Variants in NTM observed in about 807,000 individuals in gnomAD.
NTM encodes IgLON family member 2.
A neutral mutation model predicts 42.1 loss-of-function variants in NTM; 13 were observed. The ratio of observed to expected loss-of-function variants is 0.31; its 90% CI spans 0.20 to 0.49. The LOEUF (loss-of-function observed/expected upper bound fraction) is 0.49, where lower values mean the gene tolerates loss of function less well. Ranked by LOEUF, NTM falls within the 20% of genes least tolerant of loss-of-function variation. The probability of loss-of-function intolerance (pLI) is 0.99; values close to 1 mark genes in which losing one functional copy is unlikely to be tolerated. For synonymous variants in NTM, 187 were observed against 179.2 expected (o/e 1.04, Z -0.35); for missense variants, 373 against 452.8 (o/e 0.82, Z 1.60).
chr11:131,579,294 A>C (rs1011071187), intron 1 of NTM, among the ~76,000 whole-genome samples: 20 of 151,708 alleles, frequency 1.3e-4, no homozygotes, highest in African/African-American at 4.6e-4. Flanking sequence ...ACAAAGCAAA[A>C]CAAAAACAGA....
intron 4 of NTM, among the ~76,000 whole-genome samples, chr11:132,294,862 A>G (rs2094559167): frequency 6.6e-6 from 1 of 152,150 alleles, no homozygotes; most frequent in Admixed American, 6.5e-5. Context: ...AATTCAACCT[A>G]ATTGATGATG....
chr11:131,373,446 A>G (rs1204763406), intron 1 of NTM, among the ~76,000 whole-genome samples: 1 of 152,006 alleles, frequency 6.6e-6, no homozygotes, highest in Non-Finnish European at 1.5e-5. Flanking sequence ...TCCTCCCCAC[A>G]ACCCAACCAG....
intron 1 of NTM, among the ~76,000 whole-genome samples, chr11:131,755,305 C>T (rs1441744031): frequency 6.6e-6 from 1 of 152,096 alleles, no homozygotes; most frequent in Admixed American, 6.6e-5. Flanking sequence ...TCACTCTTGG[C>T]CTAGCAGGAA....
At chr11:132,005,918 G>A (rs1292971949) in intron 2 of NTM, among the ~76,000 whole-genome samples, 1 of 152,082 alleles carries the variant, frequency 6.6e-6, no homozygotes, top group Non-Finnish European at 1.5e-5. Flanking sequence ...CAATAACCTA[G>A]GTTTTGAAGA....
At chr11:131,456,175 G>A (rs1244013178) in intron 1 of NTM, among the ~76,000 whole-genome samples, 2 of 152,226 alleles carry the variant, frequency 1.3e-5, no homozygotes, top group East Asian at 1.9e-4. Flanking sequence ...GCTCTGACTG[G>A]TGAGTGACAA....
intron 2 of NTM, among the ~76,000 whole-genome samples, chr11:132,033,108 G>A (rs918838840): frequency 6.6e-6 from 1 of 152,168 alleles, no homozygotes; most frequent in Non-Finnish European, 1.5e-5. Flanking sequence ...CCATGCAAAA[G>A]CTTTTTCTTT....
chr11:131,901,052 G>T (rs2053087923), intron 1 of NTM, among the ~76,000 whole-genome samples: 1 of 152,170 alleles, frequency 6.6e-6, no homozygotes, highest in East Asian at 1.9e-4. Context: ...GGTTGTAAAA[G>T]AATAATCAGT....
intron 4 of NTM, among the ~76,000 whole-genome samples, chr11:132,293,303 CACCA>C (rs1366507264): frequency 3.9e-5 from 6 of 152,128 alleles, no homozygotes; most frequent in Non-Finnish European, 7.4e-5. Context: ...AAAACAAAGA[CACCA>C]ACCAACAAAA....
chr11:132,267,838 T>C (rs1197807403), intron 4 of NTM, among the ~76,000 whole-genome samples: 1 of 129,582 alleles, frequency 7.7e-6, no homozygotes, highest in Non-Finnish European at 1.6e-5. Flanking sequence ...CAAGACTCCA[T>C]CTCAAAAAAA....
intron 1 of NTM, among the ~76,000 whole-genome samples, chr11:131,593,525 C>T (rs2059565333): frequency 6.6e-6 from 1 of 152,200 alleles, no homozygotes; most frequent in Non-Finnish European, 1.5e-5. Context: ...TGCCCCGCCC[C>T]CCTGCCATAG....
At chr11:132,108,941 G>C (rs1035943998) in intron 2 of NTM, among the ~76,000 whole-genome samples, 1 of 152,132 alleles carries the variant, frequency 6.6e-6, no homozygotes, top group African/African-American at 2.4e-5. Flanking sequence ...ACTTATGAGT[G>C]AGAACATGCA....
At position 131,774,883 on chromosome 11, in the gene NTM, T is replaced by C. The variant is rs547212715; in HGVS notation, c.83-136681T>C. Among the ~76,000 whole-genome samples, 71 of 152,328 alleles carry C rather than the reference T, an allele frequency of 4.7e-4. 3 individuals carry two copies. In the Middle Eastern group the frequency reaches 0.01, roughly 22 times the overall value. On this transcript the variant is annotated intron_variant, in intron 1 of 8. Transcript: ENST00000683400. ...TCAGGCTGCTGGAGAAATTCTGTAA[T>C]GTCTCATGAGAAACAGAGTGCACAA...
At chr11:131,582,479 T>A (rs1298844952) in intron 1 of NTM, 1 of 152,214 alleles carries the variant, frequency 6.6e-6, no homozygotes, top group Non-Finnish European at 1.5e-5. Flanking sequence ...AGTTAAACTA[T>A]GCTTTGGAGT....
At chr11:131,827,425 T>C (rs1436479942) in intron 1 of NTM, among the ~76,000 whole-genome samples, 1 of 152,180 alleles carries the variant, frequency 6.6e-6, no homozygotes, top group African/African-American at 2.4e-5. Flanking sequence ...AAGGAGTGGC[T>C]GACTGTTATG....
chr11:132,059,088 T>G lies in NTM; in HGVS notation c.168-87194T>G, dbSNP rs2080192246. Among the ~76,000 whole-genome samples, 3 of 152,232 alleles carry G rather than the reference T, an allele frequency of 2.0e-5. No homozygotes were observed. The South Asian group carries it at 6.2e-4, about 32-fold the overall frequency. ...AGACAGAAAAGAAACCCCACTCTGG[T>G]GCTTTCTCCCTTCTTCCATTCCTGC... On this transcript the variant is annotated intron_variant, in intron 2 of 8. Coordinates refer to ENST00000683400, the MANE Select transcript of NTM (RefSeq NM_001352005.2).
chr11:131,574,567 T>C (rs1170221219), intron 1 of NTM, among the ~76,000 whole-genome samples: 1 of 147,174 alleles, frequency 6.8e-6, no homozygotes, highest in Admixed American at 6.8e-5. Flanking sequence ...CTTGAGTGTG[T>C]GTGTGTGTGT....
intron 4 of NTM, among the ~76,000 whole-genome samples, chr11:132,229,841 G>T (rs1263503106): frequency 6.6e-6 from 1 of 152,168 alleles, no homozygotes; most frequent in African/African-American, 2.4e-5. Flanking sequence ...GGCAAGTCTT[G>T]GCATGTTCAC....
chr11:131,674,254 C>A (rs2070958146), intron 1 of NTM, among the ~76,000 whole-genome samples: 1 of 152,240 alleles, frequency 6.6e-6, no homozygotes, highest in African/African-American at 2.4e-5. Flanking sequence ...AAAGAGCTCA[C>A]TGAAAAGGAA....
At chr11:132,314,776 C>CT in intron 7 of NTM, 73 bp downstream of exon 7, 1 of 1,495,164 alleles carries the variant, frequency 6.7e-7, no homozygotes, top group Non-Finnish European at 8.9e-7. Context: ...GGGAGGGCCC[C>CT]TCAAGGCCAG....
Sources: allele counts gnomAD v4.1 joint callset (sites outside exome capture counted in the v4.1 genomes callset), GRCh38; gene constraint gnomAD v4.1.1; transcripts MANE v1.5; gene names NCBI Gene and HGNC (gene_info 2026-07-23, HGNC 2026-07-21).